HIPK2: variants seen among roughly 807,000 people sequenced by gnomAD.
HIPK2 encodes homeodomain-interacting protein kinase 2.
A neutral mutation model predicts 113.7 loss-of-function variants in HIPK2; 27 were observed. The observed-to-expected ratio is 0.24, with a 90% CI of 0.17 to 0.33. The LOEUF (loss-of-function observed/expected upper bound fraction) is 0.33. Ranked by LOEUF, HIPK2 falls within the 10% of genes least tolerant of loss-of-function variation. HIPK2 has a pLI of 1.00. For missense variants in HIPK2, 1,257 were observed against 1,588.0 expected (o/e 0.79, Z 3.54); for synonymous variants, 631 against 642.2 (o/e 0.98, Z 0.26).
intron 10 of HIPK2, 112 bp from the exon 11 acceptor site, chr7:139,600,708 C>T: frequency 8.1e-7 from 1 of 1,231,910 alleles, no homozygotes; most frequent in Non-Finnish European, 1.1e-6. Context: ...GGTTATCTCA[C>T]TAGCTGTGCA....
intron 11 of HIPK2, among the ~76,000 whole-genome samples, chr7:139,597,347 G>A (rs1799259793): frequency 6.6e-6 from 1 of 152,128 alleles, no homozygotes; most frequent in African/African-American, 2.4e-5. Context: ...ACACCCCCTC[G>A]CCTTCAGGGT....
intron 2 of HIPK2, among the ~76,000 whole-genome samples, chr7:139,655,316 C>T (rs1201738611): frequency 6.6e-6 from 1 of 152,236 alleles, no homozygotes; most frequent in Non-Finnish European, 1.5e-5. Context: ...GATAAACAAA[C>T]AAATGTCAGT....
At chr7:139,600,074 T>G (rs1799364168) in intron 11 of HIPK2, among the ~76,000 whole-genome samples, 1 of 152,128 alleles carries the variant, frequency 6.6e-6, no homozygotes, top group South Asian at 2.1e-4. Context: ...ATGCTTCCTC[T>G]TAGTAACTTC....
At chr7:139,598,933 A>G (rs1022272946) in intron 11 of HIPK2, among the ~76,000 whole-genome samples, 1 of 152,244 alleles carries the variant, frequency 6.6e-6, no homozygotes, top group Admixed American at 6.5e-5. Flanking sequence ...AAAGCTGCCA[A>G]TGATCTGAGA....
At position 139,738,558 on chromosome 7, in the gene HIPK2, A is replaced by G. The variant is rs1198466011; in HGVS notation, c.20-21543T>C. Among the ~76,000 whole-genome samples the G allele has an allele frequency of 2.6e-5, 4 of 152,224 alleles. No homozygotes were observed. The East Asian group carries it at 5.8e-4, about 22-fold the overall frequency. On this transcript the variant is annotated intron_variant, in intron 1 of 14. Transcript: ENST00000406875. The stretch of plus-strand genomic sequence containing the variant: ...TATTTGTAACTTACCCTCGAGTCAT[A>G]TAACGATCATTCGTGTGTCTGTATA...
intron 2 of HIPK2, among the ~76,000 whole-genome samples, chr7:139,682,720 A>G (rs188346960): frequency 6.6e-6 from 1 of 152,362 alleles, no homozygotes; most frequent in East Asian, 1.9e-4. Flanking sequence ...CTCTGAGTCA[A>G]TGGCAATCTC....
At chr7:139,732,934 G>A (rs564471639) in intron 1 of HIPK2, among the ~76,000 whole-genome samples, 1 of 151,872 alleles carries the variant, frequency 6.6e-6, no homozygotes, top group Admixed American at 6.6e-5. Flanking sequence ...GGGGCCTGGT[G>A]GGAGGTGACT....
At chr7:139,737,862 C>G (rs911541520) in intron 1 of HIPK2, among the ~76,000 whole-genome samples, 2 of 152,222 alleles carry the variant, frequency 1.3e-5, no homozygotes, top group African/African-American at 4.8e-5. Flanking sequence ...GATTTAAGAG[C>G]AGAGCCACAC....
intron 1 of HIPK2, among the ~76,000 whole-genome samples, chr7:139,732,232 C>T (rs978235987): frequency 1.3e-4 from 20 of 152,172 alleles, no homozygotes; most frequent in Non-Finnish European, 2.4e-4. Flanking sequence ...TCAGCTGGTA[C>T]AGGGATCCCT....
chr7:139,664,913 A>G (rs911589560), intron 2 of HIPK2, among the ~76,000 whole-genome samples: 2 of 152,206 alleles, frequency 1.3e-5, no homozygotes, highest in Admixed American at 6.5e-5. Context: ...ACAACATACC[A>G]ACAAGCGCTC....
rs114471702 is a variant in HIPK2 at position 139,585,467 on chromosome 7, G to A, written c.2718-1403C>T. ...GGCTGGATAATTCTTCCAGTGGCTG[G>A]ACACTGTCCTCTCTGGTTCAGGGTG... is the stretch of plus-strand genomic sequence containing the variant. On this transcript the variant is annotated intron_variant, in intron 12 of 14. Coordinates refer to ENST00000406875, the MANE Select transcript of HIPK2 (RefSeq NM_022740.5). Among the ~76,000 whole-genome samples, 371 of 152,348 alleles carry A rather than the reference G, an allele frequency of 2.4e-3. 4 individuals are homozygous for A. The highest frequency in any genetic ancestry group is 8.4e-3 in the African/African-American group (351 of 41,588).
At position 139,596,942 on chromosome 7, in the gene HIPK2, G is replaced by T. The variant is rs780215904; in HGVS notation, c.2492C>A (p.Ser831Tyr). Residue 831 changes from serine (S) to tyrosine (Y), a missense_variant, in exon 12 of 15, where the codon TCC (serine) becomes TAC (tyrosine). Transcript: ENST00000406875. ...SSQAISSPQRSKRVKENTPPR... is the reference protein window; with the variant it reads ...SSQAISSPQRYKRVKENTPPR... ...AGGTGTGTTCTCCTTGACACGCTTG[G>T]ATCGCTGTGGGGAGCTGATGGCCTG... The T allele has an allele frequency of 5.6e-6, 9 of 1,611,480 alleles. No homozygotes were observed. In the South Asian group the frequency reaches 7.7e-5, roughly 14 times the overall value.
chr7:139,603,753 G>T (rs1799520499), intron 10 of HIPK2, among the ~76,000 whole-genome samples: 1 of 152,138 alleles, frequency 6.6e-6, no homozygotes, highest in South Asian at 2.1e-4. Flanking sequence ...TCTGAACGTA[G>T]AATTTAATTC....
intron 9 of HIPK2, among the ~76,000 whole-genome samples, chr7:139,604,522 A>T (rs1343339205): frequency 6.6e-6 from 1 of 151,964 alleles, no homozygotes; most frequent in Admixed American, 6.6e-5. Context: ...TCTACTAAAA[A>T]TACAAAAAAT....
chr7:139,620,671 A>G (rs1338928672), intron 6 of HIPK2, 108 bp from the exon 7 acceptor site: 4 of 1,381,702 alleles, frequency 2.9e-6, no homozygotes, highest in African/African-American at 1.4e-5. Context: ...TTAATTCAGT[A>G]AACAGGACAA....
intron 2 of HIPK2, among the ~76,000 whole-genome samples, chr7:139,657,470 T>A (rs967474520): frequency 6.6e-6 from 1 of 152,228 alleles, no homozygotes; most frequent in Admixed American, 6.5e-5. Flanking sequence ...GACTTCACCT[T>A]CAGCTGCACA....
intron 2 of HIPK2, among the ~76,000 whole-genome samples, chr7:139,677,603 T>C (rs915571882): frequency 1.3e-5 from 2 of 152,160 alleles, no homozygotes; most frequent in Admixed American, 1.3e-4. Flanking sequence ...TACTTTAAGT[T>C]CTGGGATACA....
chr7:139,626,107 C>CT (rs545931727), intron 6 of HIPK2, among the ~76,000 whole-genome samples: 6,844 of 143,662 alleles, frequency 0.048, 328 homozygotes, highest in African/African-American at 0.12. Flanking sequence ...TTTTTCTTTC[C>CT]TTTTTTTTTT....
chr7:139,711,002 C>CTT lies in HIPK2; in HGVS notation c.1103+4928_1103+4929dup, dbSNP rs77575517. 3.5e-3 allele frequency among the ~76,000 whole-genome samples: 512 copies of CTT among 147,748 alleles called. 7 individuals carry two copies. The highest frequency in any genetic ancestry group is 0.012 in the African/African-American group (476 of 40,146). ...CCGCAGAACTGTGAGTCAATTAAAC[C>CTT]TTTTTTTTTTTAATAAATTACCCAG... On this transcript the variant is annotated intron_variant, in intron 2 of 14. Transcript: ENST00000406875.
Sources: allele counts gnomAD v4.1 joint callset (sites outside exome capture counted in the v4.1 genomes callset), GRCh38; gene constraint gnomAD v4.1.1; transcripts MANE v1.5; gene names NCBI Gene and HGNC (gene_info 2026-07-23, HGNC 2026-07-21).